IGDCC3: variants seen among roughly 807,000 people sequenced by gnomAD.
IGDCC3 encodes the protein immunoglobulin superfamily DCC subclass member 3.
In IGDCC3, 47 loss-of-function variants were observed where a neutral mutation model predicts 72.0. That is an observed-to-expected ratio of 0.65 (90% CI 0.52 to 0.83). The LOEUF (loss-of-function observed/expected upper bound fraction) is 0.83. Among genes scored for constraint, IGDCC3 ranks in the 40% least tolerant of loss-of-function variants. The probability of loss-of-function intolerance (pLI) is 0.00; values close to 1 mark genes in which losing one functional copy is unlikely to be tolerated. For synonymous variants in IGDCC3, 477 were observed against 472.8 expected (o/e 1.01, Z -0.11); for missense variants, 1,038 against 1,091.3 (o/e 0.95, Z 0.69).
Position 65,329,864 on chromosome 15 carries a change from G to A in IGDCC3, c.1859C>T (p.Ala620Val). 1 of 1,613,946 alleles carries A rather than the reference G, an allele frequency of 6.2e-7. No homozygotes were observed. The highest frequency in any genetic ancestry group is 8.5e-7 in the Non-Finnish European group (1 of 1,180,028). Residue 620 changes from alanine to valine, a missense_variant and splice_region_variant, in exon 12 of 14, where the codon GCC (alanine) becomes GTC (valine). Coordinates refer to ENST00000327987, the MANE Select transcript of IGDCC3 (RefSeq NM_004884.4). This position sits in a 1 kb window ranked among gnomAD's most constrained non-coding sequence, Gnocchi z 4.1. ...CCGGCAGTCACATGGTGGGCTCAAG[G>A]CTGGGGACAGGGACGGGTTGGAGGC... ...VSLRGASERT[A>V]LSPPCDCRKE...
intron 2 of IGDCC3, among the ~76,000 whole-genome samples, chr15:65,359,994 A>C (rs1372481069): frequency 6.6e-6 from 1 of 152,056 alleles, no homozygotes; most frequent in Non-Finnish European, 1.5e-5. Flanking sequence ...ACAGCTCCCC[A>C]TTCTCTCACC....
At chr15:65,332,185 G>C in intron 6 of IGDCC3, 79 bp from the exon 7 acceptor site, 1 of 1,485,504 alleles carries the variant, frequency 6.7e-7, no homozygotes, top group Non-Finnish European at 9.1e-7. Flanking sequence ...ACAGGGGATG[G>C]GACTGGAGAT....
At chr15:65,335,075 G>A (rs1336982580) in intron 4 of IGDCC3, among the ~76,000 whole-genome samples, 2 of 152,130 alleles carry the variant, frequency 1.3e-5, no homozygotes, top group Non-Finnish European at 2.9e-5. Context: ...GGGAAGTCCT[G>A]GAGATCAGCA....
chr15:65,335,171 C>T (rs2091016028), intron 4 of IGDCC3, 120 bp downstream of exon 4: 2 of 1,124,378 alleles, frequency 1.8e-6, no homozygotes, highest in Non-Finnish European at 2.5e-6. Context: ...CAGAGCCCGG[C>T]ACTCTGCACG....
intron 1 of IGDCC3, 23 bp from the exon 2 acceptor site, chr15:65,375,425 G>A: frequency 1.3e-6 from 2 of 1,564,178 alleles, no homozygotes; most frequent in East Asian, 2.3e-5. Context: ...AGGGGAGATG[G>A]AAGGAAATAG....
At chr15:65,372,221 CCCT>C (rs1369770774) in intron 2 of IGDCC3, among the ~76,000 whole-genome samples, 1 of 152,190 alleles carries the variant, frequency 6.6e-6, no homozygotes, top group Non-Finnish European at 1.5e-5. Context: ...CTCACAGCCG[CCCT>C]ACCAGGCAGG....
At position 65,327,567 on chromosome 15, in the gene IGDCC3, C is replaced by T. The variant is rs1278693385; in HGVS notation, c.*1342G>A. 6.6e-6 allele frequency: 1 copy of T among 152,210 alleles called. No individual in the cohort carries two copies. The highest frequency in any genetic ancestry group is 2.4e-5 in the African/African-American group (1 of 41,384). 9.4% of individuals were successfully genotyped at this position (152,210 alleles called of 1,614,324 possible). A position where few individuals can be genotyped will look rare whatever the true frequency, so the allele number is the denominator to read the frequency against. Reference sequence around the variant, plus strand: ...TTAAAAAAATGTTTCTGAGTATAACCAAAAATAGGTATTTGTTTCCTTGGT... The same window carrying T: ...TTAAAAAAATGTTTCTGAGTATAACTAAAAATAGGTATTTGTTTCCTTGGT... On this transcript the variant is annotated 3_prime_UTR_variant, in exon 14 of 14. Coordinates refer to ENST00000327987, the MANE Select transcript of IGDCC3 (RefSeq NM_004884.4).
chr15:65,330,606 A>G lies in IGDCC3; in HGVS notation c.1697T>C (p.Phe566Ser). 6.2e-7 allele frequency: 1 copy of G among 1,613,768 alleles called. No individual in the cohort carries two copies. Among genetic ancestry groups the G allele is most frequent in the Non-Finnish European group, 8.5e-7 (1 of 1,179,996 alleles). Residue 566 changes from phenylalanine (F) to serine (S), a missense_variant, in exon 10 of 14, where the codon TTC becomes TCC. Coordinates refer to ENST00000327987, the MANE Select transcript of IGDCC3 (RefSeq NM_004884.4). Reference protein sequence around the residue: ...LFYRPASKTSFTGPILLPGTV... With the variant: ...LFYRPASKTSSTGPILLPGTV... The stretch of plus-strand genomic sequence containing the variant: ...TCCAGGCAGCAGGATGGGGCCGGTG[A>G]AGGAGGTCTTGCTTGCTGGGCGGTA...
intron 2 of IGDCC3, among the ~76,000 whole-genome samples, chr15:65,347,903 T>G (rs1479117457): frequency 1.3e-5 from 2 of 152,022 alleles, no homozygotes; most frequent in Non-Finnish European, 2.9e-5. Flanking sequence ...GCCATTGCAC[T>G]CCAGCCTGGG....
At chr15:65,366,716 C>G (rs750211551) in intron 2 of IGDCC3, among the ~76,000 whole-genome samples, 2 of 152,138 alleles carry the variant, frequency 1.3e-5, no homozygotes, top group African/African-American at 4.8e-5. Flanking sequence ...AAGCCCACCC[C>G]GGCCCCTGCA....
chr15:65,338,487 T>G (rs921853040), intron 2 of IGDCC3, among the ~76,000 whole-genome samples: 34 of 152,258 alleles, frequency 2.2e-4, no homozygotes, highest in African/African-American at 7.5e-4. Context: ...TGGACTAGCT[T>G]CTTCTCACGG....
intron 2 of IGDCC3, among the ~76,000 whole-genome samples, chr15:65,349,501 T>A (rs2091155111): frequency 1.3e-5 from 2 of 152,238 alleles, no homozygotes; most frequent in South Asian, 4.1e-4. Context: ...AGGCTAGTCT[T>A]AAGCTGGTGT....
chr15:65,332,563 G>A (rs1422797477), intron 6 of IGDCC3, among the ~76,000 whole-genome samples: 3 of 152,182 alleles, frequency 2.0e-5, no homozygotes, highest in Non-Finnish European at 2.9e-5. Flanking sequence ...TATTAAAACC[G>A]GGAAATGAAA....
rs746427014 is a variant in IGDCC3, at chr15:65,329,878, C to T, written c.1859-14G>A. On this transcript the variant is annotated splice_polypyrimidine_tract_variant and intron_variant, in intron 11 of 13. Transcript: ENST00000327987. This position sits in a 1 kb window ranked among gnomAD's most constrained non-coding sequence, Gnocchi z 4.1. ...GTGGGCTCAAGGCTGGGGACAGGGA[C>T]GGGTTGGAGGCTTTGGCTCTCCAGG... 3.7e-5 allele frequency: 59 copies of T among 1,613,590 alleles called. No homozygotes were observed. In the Middle Eastern group the frequency reaches 4.9e-4, roughly 13 times the overall value.
chr15:65,333,822 C>T (rs2091001121), intron 5 of IGDCC3, among the ~76,000 whole-genome samples: 1 of 152,162 alleles, frequency 6.6e-6, no homozygotes, highest in Non-Finnish European at 1.5e-5. Flanking sequence ...GGGGGGGGAA[C>T]CCGGTTAACT....
At chr15:65,364,351 A>T (rs1475066751) in intron 2 of IGDCC3, among the ~76,000 whole-genome samples, 1 of 152,214 alleles carries the variant, frequency 6.6e-6, no homozygotes, top group African/African-American at 2.4e-5. Context: ...AATTGTGGGA[A>T]TTAAATAAAT....
chr15:65,358,369 G>A (rs2091239341), intron 2 of IGDCC3, among the ~76,000 whole-genome samples: 1 of 152,052 alleles, frequency 6.6e-6, no homozygotes, highest in South Asian at 2.1e-4. Flanking sequence ...GCCTTCCAAA[G>A]TGCTGGGATT....
intron 2 of IGDCC3, among the ~76,000 whole-genome samples, chr15:65,351,533 CAAAA>C (rs59065889): frequency 2.8e-5 from 3 of 106,226 alleles, no homozygotes; most frequent in Non-Finnish European, 3.9e-5. Flanking sequence ...GACTCCGTCT[CAAAA>C]AAAAAAAAAA....
chr15:65,333,242 T>C lies in IGDCC3; in HGVS notation c.982+15A>G, dbSNP rs905545864. On this transcript the variant is annotated intron_variant, in intron 6 of 13. Transcript: ENST00000327987. ...GAGATCCCTGCCCTCCTCCTCAGGG[T>C]TGGCTGATCCATACCTTGCACCACC... The C allele has an allele frequency of 1.3e-6, 2 of 1,588,688 alleles. No homozygotes were observed. Among genetic ancestry groups the C allele is most frequent in the Admixed American group, 1.7e-5 (1 of 58,060 alleles).
Sources: gnomAD v4.1 joint callset for allele counts (sites outside exome capture counted in the v4.1 genomes callset) on GRCh38, gnomAD v4.1.1 for gene constraint, Gnocchi (gnomAD v3.1) non-coding constraint, MANE v1.5 for transcripts, NCBI Gene and HGNC (gene_info 2026-07-23, HGNC 2026-07-21) for gene names.